RBPJ: variants seen among roughly 807,000 people sequenced by gnomAD.
The protein encoded by RBPJ is recombining binding protein suppressor of hairless.
In RBPJ, 9 loss-of-function variants were observed where a neutral mutation model predicts 67.8. The observed-to-expected ratio is 0.13, with a 90% CI of 0.08 to 0.23. The LOEUF is 0.23. Among genes scored for constraint, RBPJ ranks in the 10% least tolerant of loss-of-function variants. The pLI, the probability that RBPJ is intolerant of heterozygous loss-of-function variation, is 1.00. For synonymous variants in RBPJ, 198 were observed against 203.3 expected, an observed-to-expected ratio of 0.97 and a Z score of 0.22; for missense variants, 305 against 595.6, an observed-to-expected ratio of 0.51 and a Z score of 5.08.
At chr4:26,288,868 C>T (rs990652214) in intron 1 of RBPJ, among the ~76,000 whole-genome samples, 1 of 151,400 alleles carries the variant, frequency 6.6e-6, no homozygotes, top group African/African-American at 2.4e-5. Flanking sequence ...AGTTATTTAA[C>T]AAGTAAGTTG....
chr4:26,244,052 G>A (rs1349092023), intron 1 of RBPJ, among the ~76,000 whole-genome samples: 6 of 151,564 alleles, frequency 4.0e-5, no homozygotes, highest in Non-Finnish European at 7.4e-5. Flanking sequence ...CTGAGGTGAG[G>A]TGGCACCACT....
intron 1 of RBPJ, chr4:26,272,723 C>G (rs765822149): frequency 4.4e-6 from 2 of 454,250 alleles, no homozygotes; most frequent in South Asian, 3.1e-5. Context: ...TTACTTTTCT[C>G]TGTCCTTGGG....
chr4:26,112,007 G>A, the RBPJ span: 1 of 180,952 alleles, frequency 5.5e-6, no homozygotes, highest in Non-Finnish European at 1.2e-5. Context: ...GTCTCAGCCA[G>A]GTGTTGCATT....
At chr4:26,179,713 C>T (rs1037408515) in intron 1 of RBPJ, among the ~76,000 whole-genome samples, 34 of 152,150 alleles carry the variant, frequency 2.2e-4, no homozygotes, top group African/African-American at 8.2e-4. Flanking sequence ...TACACACTGT[C>T]AGTGGGAGTG....
intron 3 of RBPJ, 79 bp from the exon 4 acceptor site, chr4:26,415,396 T>G (rs1452458774): frequency 5.0e-6 from 6 of 1,209,934 alleles, no homozygotes; most frequent in Non-Finnish European, 6.9e-6. Flanking sequence ...GTATTCATAA[T>G]GTTCAAGGAA....
chr4:26,232,189 C>G (rs1307133038), intron 1 of RBPJ, among the ~76,000 whole-genome samples: 2 of 152,140 alleles, frequency 1.3e-5, no homozygotes, highest in Non-Finnish European at 2.9e-5. Flanking sequence ...AACCACCATG[C>G]CCAATCAGTT....
At chr4:26,134,804 G>A in the RBPJ span, among the ~76,000 whole-genome samples, 1 of 152,212 alleles carries the variant, frequency 6.6e-6, no homozygotes, top group Admixed American at 6.5e-5. Context: ...CTCTGGGTGT[G>A]CTGTGAGGAA....
chr4:26,303,050 G>T (rs1056155523), intron 1 of RBPJ, among the ~76,000 whole-genome samples: 1 of 151,756 alleles, frequency 6.6e-6, no homozygotes, highest in Non-Finnish European at 1.5e-5. Context: ...GCATGGTAAC[G>T]CATGCCTGTA....
At chr4:26,251,847 CAAAAA>C (rs769291407) in intron 1 of RBPJ, among the ~76,000 whole-genome samples, 1 of 49,464 alleles carries the variant, frequency 2.0e-5, no homozygotes, top group Non-Finnish European at 3.6e-5. Context: ...GACTCCGTCT[CAAAAA>C]AAAAAAAAAA....
intron 1 of RBPJ, among the ~76,000 whole-genome samples, chr4:26,214,656 AAG>A (rs1341791576): frequency 7.1e-6 from 1 of 141,478 alleles, no homozygotes; most frequent in Non-Finnish European, 1.5e-5. Flanking sequence ...GAAAGAGAAA[AAG>A]GAAGGAAGAA....
At chr4:26,122,852 G>A in the RBPJ span, among the ~76,000 whole-genome samples, 3 of 152,054 alleles carry the variant, frequency 2.0e-5, no homozygotes, top group Non-Finnish European at 4.4e-5. Context: ...AATACAAAAA[G>A]GAATGGGTGT....
chr4:26,325,138 C>G (rs1723488665), intron 1 of RBPJ, among the ~76,000 whole-genome samples: 1 of 152,194 alleles, frequency 6.6e-6, no homozygotes, highest in African/African-American at 2.4e-5. Flanking sequence ...CCTAATTCCT[C>G]TCTCACCAGC....
chr4:26,298,431 A>G (rs1257636218), intron 1 of RBPJ, among the ~76,000 whole-genome samples: 2 of 152,210 alleles, frequency 1.3e-5, no homozygotes, highest in Non-Finnish European at 2.9e-5. Context: ...CATAGCACAA[A>G]TAATCAGTGT....
intron 1 of RBPJ, among the ~76,000 whole-genome samples, chr4:26,172,893 C>G (rs974452597): frequency 3.3e-5 from 5 of 152,196 alleles, no homozygotes; most frequent in Admixed American, 2.6e-4. Context: ...ATCCCACAAT[C>G]CTAACCACTG....
intron 1 of RBPJ, among the ~76,000 whole-genome samples, chr4:26,383,729 T>C (rs1730543044): frequency 6.6e-6 from 1 of 152,202 alleles, no homozygotes; most frequent in South Asian, 2.1e-4. Context: ...AAAAATTGTT[T>C]TGTGGAAAAA....
intron 1 of RBPJ, among the ~76,000 whole-genome samples, chr4:26,326,885 G>A (rs545092809): frequency 1.3e-5 from 2 of 152,314 alleles, no homozygotes; most frequent in African/African-American, 4.8e-5. Context: ...AGGCAGCAAT[G>A]TATTTGGTGC....
chr4:26,308,691 T>C (rs1342415142), intron 1 of RBPJ, among the ~76,000 whole-genome samples: 2 of 152,224 alleles, frequency 1.3e-5, no homozygotes, highest in Non-Finnish European at 2.9e-5. Flanking sequence ...GGTTCCAAAG[T>C]GGATCTTCTT....
chr4:26,291,536 T>C (rs1721667708), intron 1 of RBPJ, among the ~76,000 whole-genome samples: 1 of 150,254 alleles, frequency 6.7e-6, no homozygotes, highest in African/African-American at 2.5e-5. Context: ...GGAAGGTCCT[T>C]CTAAGCAAAG....
intron 1 of RBPJ, among the ~76,000 whole-genome samples, chr4:26,380,757 G>T (rs1261299009): frequency 6.6e-6 from 1 of 151,880 alleles, no homozygotes; most frequent in African/African-American, 2.4e-5. Flanking sequence ...AGTTTGGATT[G>T]TTGATGCTTT....
Sources: allele counts gnomAD v4.1 joint callset (sites outside exome capture counted in the v4.1 genomes callset), GRCh38; gene constraint gnomAD v4.1.1; transcripts MANE v1.5; gene names NCBI Gene and HGNC (gene_info 2026-07-23, HGNC 2026-07-21).